Variants in CDK19 observed in about 807,000 individuals in gnomAD.
The protein encoded by CDK19 is cyclin-dependent kinase 19.
CDK19 carries 20 observed loss-of-function variants against 68.3 expected under a neutral mutation model. That is an observed-to-expected ratio of 0.29 (90% CI 0.21 to 0.43). CDK19 has a LOEUF of 0.43. Ranked by LOEUF, CDK19 falls within the 20% of genes least tolerant of loss-of-function variation. The probability of loss-of-function intolerance (pLI) is 1.00; values close to 1 mark genes in which losing one functional copy is unlikely to be tolerated. For synonymous variants in CDK19, 221 were observed against 222.8 expected (o/e 0.99, Z 0.07); for missense variants, 339 against 623.5 (o/e 0.54, Z 4.86).
rs538586486 is a variant in CDK19, at chr6:110,719,066, A to G, written c.204+27060T>C. ...GCGTAACTACTAAATTAGAAAGAGT[A>G]TAAGTCATTTTCAAATCATTAGTTC... On this transcript the variant is annotated intron_variant, in intron 2 of 12. Transcript: ENST00000368911. 9.8e-5 allele frequency among the ~76,000 whole-genome samples: 15 copies of G among 152,360 alleles called. No individual in the cohort carries two copies. The South Asian group carries it at 3.1e-3, about 32-fold the overall frequency.
At chr6:110,791,022 T>C (rs1781555924) in intron 1 of CDK19, among the ~76,000 whole-genome samples, 1 of 151,930 alleles carries the variant, frequency 6.6e-6, no homozygotes, top group African/African-American at 2.4e-5. Flanking sequence ...ATACAAAAAA[T>C]TAGCCGGGCA....
chr6:110,794,238 T>C (rs912198275), intron 1 of CDK19, among the ~76,000 whole-genome samples: 1 of 151,120 alleles, frequency 6.6e-6, no homozygotes, highest in African/African-American at 2.4e-5. Flanking sequence ...TAGAGATGGG[T>C]TTTCACCATA....
chr6:110,688,283 C>T (rs1669126120), intron 2 of CDK19, among the ~76,000 whole-genome samples: 1 of 151,946 alleles, frequency 6.6e-6, no homozygotes, highest in Non-Finnish European at 1.5e-5. Context: ...AGTCGTGCCA[C>T]TGTACTCCAG....
chr6:110,709,997 G>T (rs983400526), intron 2 of CDK19, among the ~76,000 whole-genome samples: 7 of 152,040 alleles, frequency 4.6e-5, no homozygotes, highest in Non-Finnish European at 1.0e-4. Context: ...AAAGACTATA[G>T]TATCAATTAT....
chr6:110,699,743 A>G (rs905769167), intron 2 of CDK19, among the ~76,000 whole-genome samples: 1 of 152,252 alleles, frequency 6.6e-6, no homozygotes, highest in Admixed American at 6.5e-5. Context: ...TATTAAAAAT[A>G]TAATACACAA....
At chr6:110,722,135 T>C (rs1258173289) in intron 2 of CDK19, 1 of 152,214 alleles carries the variant, frequency 6.6e-6, no homozygotes, top group Non-Finnish European at 1.5e-5. Flanking sequence ...TGGAAAACTG[T>C]TTTATACAGT....
intron 2 of CDK19, among the ~76,000 whole-genome samples, chr6:110,723,147 A>AC (rs761260734): frequency 0.017 from 1,732 of 104,562 alleles, 45 homozygotes; most frequent in Non-Finnish European, 0.033. Context: ...AAAAAAACAA[A>AC]AAACAAAAAA....
intron 12 of CDK19, among the ~76,000 whole-genome samples, chr6:110,619,292 T>C (rs1247597742): frequency 1.3e-5 from 2 of 152,224 alleles, no homozygotes; most frequent in African/African-American, 2.4e-5. Flanking sequence ...AATCTGTCTA[T>C]AATTGACTAC....
At chr6:110,737,859 G>A (rs576080007) in intron 2 of CDK19, among the ~76,000 whole-genome samples, 3 of 152,220 alleles carry the variant, frequency 2.0e-5, no homozygotes, top group South Asian at 4.1e-4. Context: ...AAATATCCAT[G>A]CTGAGTCTTC....
At chr6:110,649,543 C>G (rs1780837947) in intron 4 of CDK19, among the ~76,000 whole-genome samples, 1 of 151,760 alleles carries the variant, frequency 6.6e-6, no homozygotes, top group Non-Finnish European at 1.5e-5. Flanking sequence ...TTCCAATTAT[C>G]AAAAGATAAA....
intron 2 of CDK19, among the ~76,000 whole-genome samples, chr6:110,739,746 T>A (rs2114844032): frequency 6.6e-6 from 1 of 151,814 alleles, no homozygotes; most frequent in East Asian, 1.9e-4. Context: ...TCCTCCCACC[T>A]CAGCCTCCCA....
chr6:110,675,866 G>C (rs1245942950), intron 2 of CDK19, among the ~76,000 whole-genome samples: 2 of 152,162 alleles, frequency 1.3e-5, no homozygotes, highest in African/African-American at 4.8e-5. Flanking sequence ...GATTAATGCT[G>C]CTTTCCTGTT....
chr6:110,666,260 C>T (rs1052542996), intron 4 of CDK19, among the ~76,000 whole-genome samples: 1 of 98,900 alleles, frequency 1.0e-5, no homozygotes, highest in Admixed American at 1.0e-4. Flanking sequence ...CTAAAAAATA[C>T]AAAAAAAAAA....
intron 4 of CDK19, among the ~76,000 whole-genome samples, chr6:110,664,172 C>T (rs1274958868): frequency 1.3e-5 from 2 of 152,182 alleles, no homozygotes; most frequent in African/African-American, 4.8e-5. Context: ...CAGAACTGCA[C>T]ATCCTTTCTG....
intron 1 of CDK19, among the ~76,000 whole-genome samples, chr6:110,805,385 TAATA>T (rs1389358311): frequency 2.0e-5 from 3 of 152,180 alleles, no homozygotes; most frequent in Non-Finnish European, 2.9e-5. Flanking sequence ...CCAAATACTC[TAATA>T]GTTTACCACC....
At chr6:110,791,760 G>C (rs1781609666) in intron 1 of CDK19, among the ~76,000 whole-genome samples, 3 of 151,954 alleles carry the variant, frequency 2.0e-5, no homozygotes, top group African/African-American at 7.2e-5. Context: ...CTGAGTAGCT[G>C]AGACTGCAGG....
intron 1 of CDK19, among the ~76,000 whole-genome samples, chr6:110,767,879 T>C (rs900021093): frequency 6.6e-6 from 1 of 152,144 alleles, no homozygotes; most frequent in African/African-American, 2.4e-5. Flanking sequence ...TTGTGAAAGA[T>C]ATTTTCAAGA....
chr6:110,808,006 G>C (rs947214814), intron 1 of CDK19, among the ~76,000 whole-genome samples: 1 of 151,940 alleles, frequency 6.6e-6, no homozygotes, highest in East Asian at 1.9e-4. Context: ...TCAAGTATTG[G>C]TTTGCTTTAT....
intron 2 of CDK19, among the ~76,000 whole-genome samples, chr6:110,690,609 ATAAG>A (rs771395222): frequency 2.4e-4 from 37 of 152,236 alleles, no homozygotes; most frequent in African/African-American, 7.0e-4. Context: ...GAAAAAATAA[ATAAG>A]TAAGTCCACA....
Sources: allele counts gnomAD v4.1 joint callset (sites outside exome capture counted in the v4.1 genomes callset), GRCh38; gene constraint gnomAD v4.1.1; transcripts MANE v1.5; gene names NCBI Gene and HGNC (gene_info 2026-07-23, HGNC 2026-07-21).